The following SCNN1D variants were observed in gnomAD, a reference collection of about 807,000 sequenced individuals.
SCNN1D encodes the protein sodium channel epithelial 1 subunit delta, also known as epithelial sodium channel subunit delta.
SCNN1D carries 104 observed loss-of-function variants against 87.8 expected under a neutral mutation model. That is an observed-to-expected ratio of 1.18 (90% CI 1.01 to 1.39). The LOEUF (loss-of-function observed/expected upper bound fraction) is 1.39, where lower values mean the gene tolerates loss of function less well. SCNN1D is among the 40% of genes most tolerant of loss of function. The pLI is 0.00. For synonymous variants in SCNN1D, 628 were observed against 481.2 expected, an observed-to-expected ratio of 1.31 and a Z score of -3.99; for missense variants, 1,324 against 1,093.9, an observed-to-expected ratio of 1.21 and a Z score of -2.97.
intron 7 of SCNN1D, 124 bp downstream of exon 7, chr1:1,286,402 C>T (rs1054005549): frequency 2.5e-6 from 2 of 793,842 alleles, no homozygotes; most frequent in African/African-American, 1.7e-5. Context: ...TCAATGCCAC[C>T]CTCCTGGTCA....
In SCNN1D at chr1:1,291,728, C is replaced by A; in HGVS notation, c.*118C>A. The A allele has an allele frequency of 1.4e-6, 1 of 703,336 alleles. No homozygotes were observed. Among genetic ancestry groups the A allele is most frequent in the Non-Finnish European group, 2.2e-6 (1 of 454,384 alleles). 43.6% of individuals were successfully genotyped at this position (703,336 alleles called of 1,614,324 possible). A position where few individuals can be genotyped will look rare whatever the true frequency, so the allele number is the denominator to read the frequency against. ...GCAGCCCAGGAAGCAGCACACGCGG[C>A]CGTGGGGAGGCAGGCACCGGGCATG... On this transcript the variant is annotated 3_prime_UTR_variant, in exon 18 of 18. Transcript: ENST00000379116.
Position 1,280,516 on chromosome 1 carries a change from G to C in SCNN1D, c.-146G>C, listed in dbSNP as rs561965646. 4 of 606,602 alleles carry C rather than the reference G, an allele frequency of 6.6e-6. No individual in the cohort carries two copies. Among genetic ancestry groups the C allele is most frequent in the African/African-American group, 3.7e-5 (2 of 54,556 alleles). 37.6% of individuals were successfully genotyped at this position (606,602 alleles called of 1,614,324 possible). On this transcript the variant is annotated 5_prime_UTR_variant, in exon 1 of 18. Transcript: ENST00000379116. ...CAGTAGAAGGGAATGTCTGGTTACA[G>C]TATGGCGTTGTGCAGATGAAGGTCT...
rs1640825497 is a variant in SCNN1D at position 1,291,720 on chromosome 1, A to G, written c.*110A>G. The G allele has an allele frequency of 1.3e-6, 1 of 771,984 alleles. No homozygotes were observed. Among genetic ancestry groups the G allele is most frequent in the South Asian group, 2.5e-5 (1 of 40,768 alleles). 47.8% of individuals were successfully genotyped at this position (771,984 alleles called of 1,614,324 possible). ...CCAGACCAGCAGCCCAGGAAGCAGC[A>G]CACGCGGCCGTGGGGAGGCAGGCAC... On this transcript the variant is annotated 3_prime_UTR_variant, in exon 18 of 18. Transcript: ENST00000379116.
In SCNN1D at chr1:1,291,515, C is replaced by T; in HGVS notation, c.2314C>T (p.His772Tyr). The change falls in exon 18 of 18, where the codon CAT becomes TAT. Residue 772 changes from histidine to tyrosine, a missense_variant. By Grantham distance (83) the His-to-Tyr change is moderately conservative. Coordinates refer to ENST00000379116, the MANE Select transcript of SCNN1D (RefSeq NM_001130413.4). ...TSDDPEPSGP[H>Y]LPRVMLPGVL... ...AGATGACCCGGAGCCCAGCGGGCCT[C>T]ATCTCCCACGGGTGATGCTTCCAGG... is the stretch of plus-strand genomic sequence containing the variant. 1.9e-6 allele frequency: 3 copies of T among 1,608,500 alleles called. No homozygotes were observed. Among genetic ancestry groups the T allele is most frequent in the Non-Finnish European group, 2.5e-6 (3 of 1,177,184 alleles).
chr1:1,284,441 G>A (rs953443515), intron 5 of SCNN1D, among the ~76,000 whole-genome samples: 1 of 151,716 alleles, frequency 6.6e-6, no homozygotes, highest in Admixed American at 6.6e-5. Flanking sequence ...GTGGCAATGG[G>A]GCAGGTCATC....
In SCNN1D at chr1:1,291,796, C is replaced by G; in HGVS notation, c.*186C>G. 1 of 481,790 alleles carries G rather than the reference C, an allele frequency of 2.1e-6. No individual in the cohort carries two copies. The highest frequency in any genetic ancestry group is 3.2e-5 in the East Asian group (1 of 31,070). The allele number at this position is 481,790 out of a possible 1,614,324, so 29.8% of individuals were successfully genotyped here. On this transcript the variant is annotated 3_prime_UTR_variant, in exon 18 of 18. Transcript: ENST00000379116. ...ACCACCTACACTGCCTGGGGTGGGT[C>G]TCAAGGAGGCCCGGGGCGGAGGGGG...
At chr1:1,286,371 C>A in intron 7 of SCNN1D, 93 bp downstream of exon 7, 2 of 1,030,586 alleles carry the variant, frequency 1.9e-6, no homozygotes, top group South Asian at 1.6e-5. Flanking sequence ...CCCCTGTAGC[C>A]GAGGAGGGGG....
chr1:1,281,286 C>T lies in SCNN1D; in HGVS notation c.66C>T (p.Ser22=), dbSNP rs548514431. ...GTTACCTGTGGCCCGGCCACCTCAG[C>T]GGCCCAAGGAGGTGAGCTCACAGCC... The part of the protein sequence containing the change: ...LPRYLWPGHL[S]GPRRLTWSWC... The change falls in exon 2 of 18, where the codon AGC becomes AGT. Residue 22 remains serine, a synonymous_variant. Coordinates refer to ENST00000379116, the MANE Select transcript of SCNN1D (RefSeq NM_001130413.4). The T allele has an allele frequency of 4.6e-6, 7 of 1,535,778 alleles. No homozygotes were observed. Among genetic ancestry groups the T allele is most frequent in the East Asian group, 2.4e-5 (1 of 40,916 alleles).
chr1:1,288,684 CGTGTCCCTGCT>C lies in SCNN1D; in HGVS notation c.1662+648_1662+658del, dbSNP rs1473035176. ...TCCGTCCCGTGTCTCTGCTCCGTCC[CGTGTCCCTGCT>C]CCGTCCCCCGAGTCTCTGCTCCGTC... On this transcript the variant is annotated intron_variant, in intron 12 of 17. Coordinates refer to ENST00000379116, the MANE Select transcript of SCNN1D (RefSeq NM_001130413.4). Among the ~76,000 whole-genome samples, 33 of 64,180 alleles carry C rather than the reference CGTGTCCCTGCT, an allele frequency of 5.1e-4. 9 individuals are homozygous for C. Among genetic ancestry groups the C allele is most frequent in the African/African-American group, 1.4e-3 (14 of 9,798 alleles). The allele number at this position is 64,180 out of a possible 152,430, so 42.1% of individuals were successfully genotyped here.
intron 3 of SCNN1D, chr1:1,281,811 C>G (rs1570600467): frequency 1.7e-6 from 1 of 605,684 alleles, no homozygotes; most frequent in Non-Finnish European, 2.9e-6. Context: ...TGCCCTTTGG[C>G]TGGACCGGGC....
Position 1,291,280 on chromosome 1 carries a change from C to T in SCNN1D, c.2079C>T (p.Gly693=). The change falls in exon 18 of 18, where the codon GGC becomes GGT. Residue 693 remains glycine, a synonymous_variant. Transcript: ENST00000379116. ...TGCCGCAGCTGCTCTCGGCCATGGGCAGCCTCTGCAGCCTGTGGTTTGGGG... is the reference window on the plus strand; with the variant it reads ...TGCCGCAGCTGCTCTCGGCCATGGGTAGCCTCTGCAGCCTGTGGTTTGGGG... The part of the protein sequence containing the change: ...YSVPQLLSAM[G]SLCSLWFGAS... The T allele has an allele frequency of 6.4e-7, 1 of 1,562,186 alleles. No individual in the cohort carries two copies. The highest frequency in any genetic ancestry group is 8.6e-7 in the Non-Finnish European group (1 of 1,156,344).
chr1:1,291,673 C>T lies in SCNN1D; in HGVS notation c.*63C>T, dbSNP rs1428308006. ...TCCTTGCAGCTGTGGCAGCAGCAGG[C>T]TCCCCAGCGGCCCAGGGTGGGCCAG... is the stretch of plus-strand genomic sequence containing the variant. On this transcript the variant is annotated 3_prime_UTR_variant, in exon 18 of 18. Transcript: ENST00000379116. The T allele has an allele frequency of 4.5e-6, 6 of 1,321,012 alleles. No individual in the cohort carries two copies. The highest frequency in any genetic ancestry group is 5.0e-5 in the East Asian group (2 of 40,392). 81.8% of individuals were successfully genotyped at this position (1,321,012 alleles called of 1,614,324 possible). A position where few individuals can be genotyped will look rare whatever the true frequency, so the allele number is the denominator to read the frequency against.
chr1:1,287,384 G>T, intron 9 of SCNN1D, 85 bp downstream of exon 9: 1 of 1,491,392 alleles, frequency 6.7e-7, no homozygotes. Flanking sequence ...GCTGTATGCT[G>T]GGAGCCACCC....
Position 1,281,501 on chromosome 1 carries a change from G to T in SCNN1D, c.168G>T (p.Arg56Ser). The T allele has an allele frequency of 6.5e-7, 1 of 1,533,360 alleles. No individual in the cohort carries two copies. Among genetic ancestry groups the T allele is most frequent in the Non-Finnish European group, 8.7e-7 (1 of 1,145,552 alleles). The allele number at this position is 1,533,360 out of a possible 1,614,324, so 95.0% of individuals were successfully genotyped here. The change falls in exon 3 of 18, where the codon AGG (arginine) becomes AGT (serine). Residue 56 changes from arginine (R) to serine (S), a missense_variant. Transcript: ENST00000379116. Reference sequence around the variant, plus strand: ...CCACCCCCTGCACCGGGCCAGCGAGGGGATGGCCCAGAAGAGGGGGAGGAC... The same window carrying T: ...CCACCCCCTGCACCGGGCCAGCGAGTGGATGGCCCAGAAGAGGGGGAGGAC... ...PHPTPCTGPA[R>S]GWPRRGGGPC...
At chr1:1,286,611 G>A (rs1004705730) in intron 7 of SCNN1D, among the ~76,000 whole-genome samples, 157 bp from the exon 8 acceptor site, 3 of 152,100 alleles carry the variant, frequency 2.0e-5, no homozygotes, top group Non-Finnish European at 2.9e-5. Context: ...CGACCTCACC[G>A]GCAGCCACGG....
chr1:1,281,619 AC>A lies in SCNN1D; in HGVS notation c.277+11del. The A allele has an allele frequency of 6.5e-7, 1 of 1,533,718 alleles. No homozygotes were observed. The highest frequency in any genetic ancestry group is 8.7e-7 in the Non-Finnish European group (1 of 1,145,790). ...ACAGGGGTGTGGGACAGGTGACTGA[AC>A]CTCAGCCCTTAGAGGCCTTGCCCGG... On this transcript the variant is annotated intron_variant, in intron 3 of 17. Coordinates refer to ENST00000379116, the MANE Select transcript of SCNN1D (RefSeq NM_001130413.4).
At chr1:1,284,917 C>G (rs1266094189) in intron 5 of SCNN1D, among the ~76,000 whole-genome samples, 1 of 152,196 alleles carries the variant, frequency 6.6e-6, no homozygotes, top group Non-Finnish European at 1.5e-5. Context: ...ATCCACAGCT[C>G]CCGCTTCTGC....
In SCNN1D at chr1:1,285,570, G is replaced by C. The variant is rs1640570489; in HGVS notation, c.465-1G>C. Reference sequence around the variant, plus strand: ...ACGCTACCGTACTTGCCTTTGGGTAGATCGCCTGGGCCTGTGGCTCCCCAG... The same window carrying C: ...ACGCTACCGTACTTGCCTTTGGGTACATCGCCTGGGCCTGTGGCTCCCCAG... On this transcript the variant is annotated splice_acceptor_variant, in intron 5 of 17. Transcript: ENST00000379116. LOFTEE classifies it high-confidence loss of function. The C allele has an allele frequency of 6.6e-7, 1 of 1,525,232 alleles. No individual in the cohort carries two copies. The highest frequency in any genetic ancestry group is 8.8e-7 in the Non-Finnish European group (1 of 1,134,672). The allele number at this position is 1,525,232 out of a possible 1,614,324, so 94.5% of individuals were successfully genotyped here.
In SCNN1D at chr1:1,291,435, C is replaced by T. The variant is rs777503407; in HGVS notation, c.2234C>T (p.Ala745Val). The T allele has an allele frequency of 2.6e-5, 42 of 1,606,330 alleles. No homozygotes were observed. Among genetic ancestry groups the T allele is most frequent in the Middle Eastern group, 3.4e-4 (2 of 5,858 alleles). The change falls in exon 18 of 18, where the codon GCG becomes GTG. Residue 745 changes from alanine (A) to valine (V), a missense_variant. By Grantham distance (64) the Ala-to-Val change is moderately conservative. Coordinates refer to ENST00000379116, the MANE Select transcript of SCNN1D (RefSeq NM_001130413.4). ...CCCAGAGCCAGCCCTGCCTCAGGGGCGTCCAGCATCAAGCCAGAGGCCAGT... is the reference window on the plus strand; with the variant it reads ...CCCAGAGCCAGCCCTGCCTCAGGGGTGTCCAGCATCAAGCCAGAGGCCAGT... Reference protein sequence around the residue: ...SWPRASPASGASSIKPEASQM... With the variant: ...SWPRASPASGVSSIKPEASQM...
Sources: allele counts gnomAD v4.1 joint callset (sites outside exome capture counted in the v4.1 genomes callset), GRCh38; gene constraint gnomAD v4.1.1; transcripts MANE v1.5; gene names NCBI Gene and HGNC (gene_info 2026-07-23, HGNC 2026-07-21).